RIMS1: variants seen among roughly 807,000 people sequenced by gnomAD.
RIMS1 encodes regulating synaptic membrane exocytosis 1.
In RIMS1, 83 loss-of-function variants were observed where a neutral mutation model predicts 214.1. The observed-to-expected ratio is 0.39, with a 90% confidence interval of 0.32 to 0.47. The LOEUF (loss-of-function observed/expected upper bound fraction) is 0.47. RIMS1 is among the 20% of genes least tolerant of loss of function. RIMS1 has a pLI of 0.99. For missense variants in RIMS1, 2,050 were observed against 2,161.8 expected (o/e 0.95, Z 1.03); for synonymous variants, 793 against 786.8 (o/e 1.01, Z -0.13).
chr6:72,048,413 G>A (rs928879083), intron 2 of RIMS1, among the ~76,000 whole-genome samples: 4 of 152,148 alleles, frequency 2.6e-5, no homozygotes, highest in Non-Finnish European at 5.9e-5. Flanking sequence ...TGAGCCAAAA[G>A]CACAGTATTC....
At position 72,097,138 on chromosome 6, in the gene RIMS1, C is replaced by T; in HGVS notation, c.435C>T (p.Gly145=). The stretch of plus-strand genomic sequence containing the variant: ...CTAAGTTCTGTGCGCGCTGCGGAGG[C>T]CGCGTGTCTCTACGGTCAAACAACG... ...CRTKFCARCG[G]RVSLRSNNED... The change falls in exon 3 of 34, where the codon GGC becomes GGT. Residue 145 remains glycine, a synonymous_variant. Coordinates refer to ENST00000521978, the MANE Select transcript of RIMS1 (RefSeq NM_014989.7). 1 of 1,613,880 alleles carries T rather than the reference C, an allele frequency of 6.2e-7. No homozygotes were observed. The highest frequency in any genetic ancestry group is 8.5e-7 in the Non-Finnish European group (1 of 1,179,850).
intron 15 of RIMS1, 76 bp downstream of exon 15, chr6:72,251,444 G>T (rs1590622469): frequency 1.7e-6 from 2 of 1,171,806 alleles, no homozygotes; most frequent in Non-Finnish European, 2.3e-6. Flanking sequence ...AATTCAAGAT[G>T]TTTTTTTTAA....
intron 2 of RIMS1, among the ~76,000 whole-genome samples, chr6:72,080,888 T>C (rs186959457): frequency 5.3e-5 from 8 of 152,328 alleles, no homozygotes; most frequent in Admixed American, 4.6e-4. Flanking sequence ...AAAACATTAC[T>C]TAGCATTCAA....
intron 4 of RIMS1, among the ~76,000 whole-genome samples, chr6:72,160,485 G>A (rs1261043750): frequency 1.4e-5 from 2 of 139,664 alleles, no homozygotes; most frequent in Non-Finnish European, 3.2e-5. Flanking sequence ...AATGCTTCCA[G>A]TTTTTGCCCA....
At chr6:72,385,304 A>G (rs528576415) in intron 29 of RIMS1, among the ~76,000 whole-genome samples, 6 of 152,336 alleles carry the variant, frequency 3.9e-5, no homozygotes, top group East Asian at 3.9e-4. Flanking sequence ...GACATTAAAC[A>G]TATTACATAG....
At chr6:71,994,308 C>T (rs528177934) in intron 2 of RIMS1, among the ~76,000 whole-genome samples, 7 of 152,082 alleles carry the variant, frequency 4.6e-5, no homozygotes, top group African/African-American at 9.7e-5. Context: ...CCAGCAAATA[C>T]GTGTAGTAGA....
rs1003465272 is a variant in RIMS1 at position 72,084,774 on chromosome 6, GT to G, written c.246-12173del. On this transcript the variant is annotated intron_variant, in intron 2 of 33. Transcript: ENST00000521978. ...ATAAAACACTAATAGCTAATCATCG[GT>G]TATGCTCTTATTTTTTGTAAGTGTC... Among the ~76,000 whole-genome samples the G allele has an allele frequency of 2.6e-5, 4 of 152,074 alleles. No homozygotes were observed. In the East Asian group the frequency reaches 7.7e-4, roughly 29 times the overall value.
intron 2 of RIMS1, among the ~76,000 whole-genome samples, chr6:72,052,879 G>A (rs1406428216): frequency 6.6e-6 from 1 of 152,150 alleles, no homozygotes; most frequent in Non-Finnish European, 1.5e-5. Context: ...AAAAGGGAAA[G>A]CACAAAGGTT....
Position 72,390,583 on chromosome 6 carries a change from ACTCT to A in RIMS1, c.4367-11_4367-8del. 6.2e-7 allele frequency: 1 copy of A among 1,605,366 alleles called. No individual in the cohort carries two copies. The highest frequency in any genetic ancestry group is 8.5e-7 in the Non-Finnish European group (1 of 1,175,390). The stretch of plus-strand genomic sequence containing the variant: ...CTAAATAAAACTTAGAGTTTCTTTT[ACTCT>A]CTCCTGTCAGAGTCGGGCCACAAAA... On this transcript the variant is annotated splice_polypyrimidine_tract_variant and intron_variant, in intron 29 of 33. Transcript: ENST00000521978.
intron 2 of RIMS1, among the ~76,000 whole-genome samples, chr6:72,088,217 CTTTATTTATTTATTTATTTATTTA>C (rs3079733): frequency 2.1e-5 from 3 of 142,828 alleles, no homozygotes; most frequent in East Asian, 2.0e-4. Flanking sequence ...TATTTATTTA[CTTTATTTATTTATTTATTTATTTA>C]TTTATTTATT....
chr6:71,908,389 G>A (rs992290519), intron 1 of RIMS1, among the ~76,000 whole-genome samples: 2 of 152,106 alleles, frequency 1.3e-5, no homozygotes, highest in Admixed American at 1.3e-4. Context: ...GCTCTCTCCT[G>A]CTGGATGAAC....
At chr6:71,916,208 A>G (rs1463951767) in intron 1 of RIMS1, among the ~76,000 whole-genome samples, 1 of 152,118 alleles carries the variant, frequency 6.6e-6, no homozygotes, top group Non-Finnish European at 1.5e-5. Flanking sequence ...CAATGTGAAG[A>G]GTTTAAGAGT....
intron 6 of RIMS1, among the ~76,000 whole-genome samples, chr6:72,233,474 C>G (rs528024700): frequency 1.3e-5 from 2 of 150,028 alleles, no homozygotes; most frequent in African/African-American, 2.4e-5. Flanking sequence ...TATGGACTGT[C>G]CTTTAAGGCT....
chr6:71,900,147 G>T (rs73748927), intron 1 of RIMS1, among the ~76,000 whole-genome samples: 6,343 of 152,176 alleles, frequency 0.042, 386 homozygotes, highest in African/African-American at 0.14. Context: ...ACTGAGCTAA[G>T]ATCTGAGAAT....
At chr6:72,021,091 T>C (rs1170701628) in intron 2 of RIMS1, among the ~76,000 whole-genome samples, 2 of 152,210 alleles carry the variant, frequency 1.3e-5, no homozygotes, top group African/African-American at 2.4e-5. Context: ...AACATGCCCA[T>C]AGATAGATAA....
intron 6 of RIMS1, among the ~76,000 whole-genome samples, chr6:72,228,167 G>A (rs572133984): frequency 1.6e-4 from 25 of 151,872 alleles, no homozygotes; most frequent in African/African-American, 4.8e-4. Context: ...AACACTTAAC[G>A]TTAAGATTTA....
chr6:71,933,682 T>TCACACACA (rs10642216), intron 1 of RIMS1, among the ~76,000 whole-genome samples: 9,366 of 139,172 alleles, frequency 0.067, 403 homozygotes, highest in Non-Finnish European at 0.086. Flanking sequence ...TCTTCCTCAA[T>TCACACACA]CACACACACA....
rs369541660 is a variant in RIMS1, at chr6:72,160,819, A to G, written c.472-18756A>G. Among the ~76,000 whole-genome samples the G allele has an allele frequency of 1.6e-4, 23 of 140,744 alleles. 5 individuals are homozygous for G. In the East Asian group the frequency reaches 4.6e-3, roughly 28 times the overall value. 92.3% of individuals were successfully genotyped at this position (140,744 alleles called of 152,430 possible). A position where few individuals can be genotyped will look rare whatever the true frequency, so the allele number is the denominator to read the frequency against. On this transcript the variant is annotated intron_variant, in intron 4 of 33. Coordinates refer to ENST00000521978, the MANE Select transcript of RIMS1 (RefSeq NM_014989.7). ...ATTGAGGATTTTTGTATCGATGTTCATCAGGGATATTGGTCTGAAATTCTC... is the reference window on the plus strand; with the variant it reads ...ATTGAGGATTTTTGTATCGATGTTCGTCAGGGATATTGGTCTGAAATTCTC...
intron 23 of RIMS1, among the ~76,000 whole-genome samples, chr6:72,277,394 A>G (rs2087052499): frequency 6.6e-6 from 1 of 152,144 alleles, no homozygotes; most frequent in Non-Finnish European, 1.5e-5. Context: ...ATCCTGGCTA[A>G]CACAGTGAAA....
Sources: allele counts gnomAD v4.1 joint callset (sites outside exome capture counted in the v4.1 genomes callset), GRCh38; gene constraint gnomAD v4.1.1; transcripts MANE v1.5; gene names NCBI Gene and HGNC (gene_info 2026-07-23, HGNC 2026-07-21).